ROR1: variants seen among roughly 807,000 people sequenced by gnomAD.
The protein encoded by ROR1 is ROR family WNT receptor 1, also known as inactive tyrosine-protein kinase transmembrane receptor ROR1.
Under a neutral mutation model 78.8 loss-of-function variants are expected in ROR1, and 19 were observed. The observed-to-expected ratio is 0.24, with a 90% CI of 0.17 to 0.35. The LOEUF (loss-of-function observed/expected upper bound fraction) is 0.35, where lower values mean the gene tolerates loss of function less well. Among genes scored for constraint, ROR1 ranks in the 10% least tolerant of loss-of-function variants. The pLI, the probability that ROR1 is intolerant of heterozygous loss-of-function variation, is 1.00. For synonymous variants in ROR1, 386 were observed against 433.6 expected (o/e 0.89, Z 1.36); for missense variants, 917 against 1,177.8 (o/e 0.78, Z 3.24).
intron 2 of ROR1, among the ~76,000 whole-genome samples, chr1:64,044,633 G>C (rs1285277755): frequency 6.6e-6 from 1 of 152,112 alleles, no homozygotes; most frequent in Non-Finnish European, 1.5e-5. Flanking sequence ...CAAGTACTAT[G>C]ACTGTCTCAA....
At chr1:63,921,661 G>A (rs190369151) in intron 1 of ROR1, among the ~76,000 whole-genome samples, 1 of 145,090 alleles carries the variant, frequency 6.9e-6, no homozygotes, top group African/African-American at 2.6e-5. Context: ...GATAAGGTGC[G>A]GCAGAGAGAG....
intron 4 of ROR1, among the ~76,000 whole-genome samples, chr1:64,115,737 T>C (rs1648295302): frequency 6.6e-6 from 1 of 152,138 alleles, no homozygotes; most frequent in African/African-American, 2.4e-5. Flanking sequence ...TTGAGCGGCA[T>C]TGTAAACAGA....
At chr1:64,009,265 T>C in intron 1 of ROR1, 40 bp from the exon 2 acceptor site, 1 of 1,416,694 alleles carries the variant, frequency 7.1e-7, no homozygotes, top group South Asian at 1.2e-5. Flanking sequence ...ATATTTAATA[T>C]TGCCCTTGTC....
intron 1 of ROR1, among the ~76,000 whole-genome samples, chr1:63,948,921 A>G (rs990608792): frequency 1.3e-5 from 2 of 152,206 alleles, no homozygotes; most frequent in African/African-American, 4.8e-5. Context: ...TCTGTTGTGT[A>G]TAAGCCACAC....
intron 1 of ROR1, among the ~76,000 whole-genome samples, chr1:63,827,461 C>T (rs1233746924): frequency 6.6e-6 from 1 of 152,054 alleles, no homozygotes; most frequent in East Asian, 1.9e-4. Context: ...CTGAGGTAAT[C>T]AATACAAAGA....
intron 1 of ROR1, among the ~76,000 whole-genome samples, chr1:63,909,694 A>G (rs889761605): frequency 1.3e-5 from 2 of 152,136 alleles, no homozygotes; most frequent in South Asian, 2.1e-4. Context: ...GGTCAGCTTT[A>G]TTCCAGTTTT....
intron 4 of ROR1, among the ~76,000 whole-genome samples, chr1:64,070,307 T>C (rs1364663348): frequency 6.6e-6 from 1 of 152,130 alleles, no homozygotes; most frequent in Non-Finnish European, 1.5e-5. Flanking sequence ...GATTTGAATC[T>C]TGTCCCACCT....
At chr1:63,973,843 A>G (rs866296479) in intron 1 of ROR1, among the ~76,000 whole-genome samples, 6 of 152,332 alleles carry the variant, frequency 3.9e-5, no homozygotes, top group South Asian at 4.1e-4. Context: ...TCTAAGTGCT[A>G]TGTATTTATT....
At chr1:63,806,794 C>G (rs867237708) in intron 1 of ROR1, among the ~76,000 whole-genome samples, 4 of 151,974 alleles carry the variant, frequency 2.6e-5, no homozygotes, top group South Asian at 2.1e-4. Context: ...ATTCACAGGC[C>G]CTGACTTAAA....
intron 1 of ROR1, among the ~76,000 whole-genome samples, chr1:63,993,485 T>C (rs965378260): frequency 1.3e-5 from 2 of 152,214 alleles, no homozygotes; most frequent in South Asian, 4.1e-4. Context: ...CTTTTATAGA[T>C]ATTTTATAAA....
In ROR1 at chr1:63,787,155, T is replaced by C. The variant is rs74538331; in HGVS notation, c.91+12647T>C. ...TCAGACTCTTTCCTCTTTTCATTTC[T>C]TCTTGCTGAATTCTTGTTCTTCAAA... On this transcript the variant is annotated intron_variant, in intron 1 of 8. Coordinates refer to ENST00000371079, the MANE Select transcript of ROR1 (RefSeq NM_005012.4). Among the ~76,000 whole-genome samples, 862 of 152,272 alleles carry C rather than the reference T, an allele frequency of 5.7e-3. 8 individuals carry two copies. The highest frequency in any genetic ancestry group is 0.02 in the African/African-American group (823 of 41,558).
At chr1:63,970,282 C>T (rs1321760270) in intron 1 of ROR1, among the ~76,000 whole-genome samples, 1 of 152,180 alleles carries the variant, frequency 6.6e-6, no homozygotes, top group African/African-American at 2.4e-5. Flanking sequence ...CACCAGAAGA[C>T]CATGGGCTTG....
chr1:63,920,530 C>T (rs1389549514), intron 1 of ROR1, among the ~76,000 whole-genome samples: 1 of 152,276 alleles, frequency 6.6e-6, no homozygotes, highest in South Asian at 2.1e-4. Flanking sequence ...CTGTCCATCA[C>T]GCCATTCTCC....
chr1:63,860,525 C>G (rs682397), intron 1 of ROR1, among the ~76,000 whole-genome samples: 25,012 of 148,716 alleles, frequency 0.17, 4,480 homozygotes, highest in African/African-American at 0.46. Flanking sequence ...TCGAGACCAG[C>G]CTGGCCAACA....
intron 1 of ROR1, among the ~76,000 whole-genome samples, chr1:63,968,034 G>T (rs561631644): frequency 6.6e-6 from 1 of 152,126 alleles, no homozygotes; most frequent in African/African-American, 2.4e-5. Context: ...AACTGGTGGG[G>T]TTGTCTGTGT....
chr1:63,955,277 C>T (rs1237497726), intron 1 of ROR1, among the ~76,000 whole-genome samples: 3 of 152,168 alleles, frequency 2.0e-5, no homozygotes, highest in Non-Finnish European at 4.4e-5. Flanking sequence ...AAAAAATCCT[C>T]TTAACTACAA....
Position 63,829,201 on chromosome 1 carries a change from C to T in ROR1, c.91+54693C>T, listed in dbSNP as rs368271834. Among the ~76,000 whole-genome samples the T allele has an allele frequency of 5.9e-5, 9 of 152,266 alleles. No individual in the cohort carries two copies. The South Asian group carries it at 1.9e-3, about 32-fold the overall frequency. On this transcript the variant is annotated intron_variant, in intron 1 of 8. Coordinates refer to ENST00000371079, the MANE Select transcript of ROR1 (RefSeq NM_005012.4). ...CTCCCTTGGATCCTTTGTTTGATTC[C>T]CCATTTGTTTCATATGGCATATGTG... is the stretch of plus-strand genomic sequence containing the variant.
intron 1 of ROR1, among the ~76,000 whole-genome samples, chr1:63,802,785 C>T (rs1644804596): frequency 6.6e-6 from 1 of 152,122 alleles, no homozygotes; most frequent in African/African-American, 2.4e-5. Context: ...CTCTAGCAAC[C>T]TACAAGCAAA....
chr1:63,777,207 T>C (rs556380268), intron 1 of ROR1, among the ~76,000 whole-genome samples: 1 of 152,304 alleles, frequency 6.6e-6, no homozygotes, highest in Admixed American at 6.5e-5. Context: ...TTTCTCAAAA[T>C]CTTATAGATT....
Sources: allele counts gnomAD v4.1 joint callset (sites outside exome capture counted in the v4.1 genomes callset), GRCh38; gene constraint gnomAD v4.1.1; transcripts MANE v1.5; gene names NCBI Gene and HGNC (gene_info 2026-07-23, HGNC 2026-07-21).